DLG2: variants seen among roughly 807,000 people sequenced by gnomAD.
The protein encoded by DLG2 is disks large homolog 2.
A neutral mutation model predicts 132.5 loss-of-function variants in DLG2; 45 were observed. That is an observed-to-expected ratio of 0.34 (90% CI 0.27 to 0.44). The LOEUF (loss-of-function observed/expected upper bound fraction) is 0.44. DLG2 is among the 20% of genes least tolerant of loss of function. DLG2 has a pLI of 1.00. For missense variants in DLG2, 1,045 were observed against 1,196.9 expected (o/e 0.87, Z 1.87); for synonymous variants, 424 against 419.6 (o/e 1.01, Z -0.13).
At chr11:84,330,318 G>A (rs1313213616) in intron 7 of DLG2, among the ~76,000 whole-genome samples, 1 of 152,088 alleles carries the variant, frequency 6.6e-6, no homozygotes, top group African/African-American at 2.4e-5. Context: ...TGGGCTAGTT[G>A]CTAAATAAGA....
intron 6 of DLG2, among the ~76,000 whole-genome samples, chr11:84,851,604 C>T (rs1277183830): frequency 1.3e-5 from 2 of 152,018 alleles, no homozygotes; most frequent in Non-Finnish European, 2.9e-5. Flanking sequence ...GGGTTTAGAG[C>T]AGTAAGATGT....
intron 20 of DLG2, 74 bp downstream of exon 20, chr11:83,541,608 C>A: frequency 7.7e-7 from 1 of 1,296,714 alleles, no homozygotes; most frequent in African/African-American, 1.5e-5. Context: ...CAGTTTCTCC[C>A]ACCTTCTTCT....
At position 84,105,014 on chromosome 11, in the gene DLG2, T is replaced by C. The variant is rs182568094; in HGVS notation, c.625-5967A>G. 1.8e-3 allele frequency among the ~76,000 whole-genome samples: 273 copies of C among 152,190 alleles called. 2 individuals carry two copies. The highest frequency in any genetic ancestry group is 6.4e-3 in the African/African-American group (267 of 41,556). On this transcript the variant is annotated intron_variant, in intron 9 of 27. Coordinates refer to ENST00000376104, the MANE Select transcript of DLG2 (RefSeq NM_001142699.3). ...TACTTAAAGACGTGAAGCAAGTAAA[T>C]AGTGAATTCAGATTTAAAAGTAATT...
At chr11:84,762,083 T>C (rs998567523) in intron 6 of DLG2, 4 of 114,626 alleles carry the variant, frequency 3.5e-5, no homozygotes, top group Admixed American at 8.0e-5. Flanking sequence ...AAATATATAT[T>C]ATTTTAATTA....
chr11:84,739,651 T>C (rs1273443043), intron 6 of DLG2, among the ~76,000 whole-genome samples: 4 of 152,152 alleles, frequency 2.6e-5, no homozygotes, highest in Non-Finnish European at 5.9e-5. Context: ...AACATAAAAC[T>C]ACCTGGCTAA....
chr11:85,198,814 T>C (rs1565146357), intron 4 of DLG2, among the ~76,000 whole-genome samples: 1 of 152,126 alleles, frequency 6.6e-6, no homozygotes, highest in Non-Finnish European at 1.5e-5. Context: ...CTCAAGTCAC[T>C]TGCCACACTT....
intron 11 of DLG2, among the ~76,000 whole-genome samples, chr11:84,046,602 T>G (rs997143838): frequency 6.6e-6 from 1 of 151,570 alleles, no homozygotes; most frequent in Non-Finnish European, 1.5e-5. Context: ...TGTACCTAGT[T>G]TGTTTCCTGT....
rs576667030 is a variant in DLG2, at chr11:85,262,623, A to C, written c.186+22597T>G. On this transcript the variant is annotated intron_variant, in intron 4 of 27. Transcript: ENST00000376104. ...CTAGAAGAAGGTCTTCAGGACTCAG[A>C]TCTTAGTTATAGATGAGAAAAAGTT... Among the ~76,000 whole-genome samples, 4 of 152,276 alleles carry C rather than the reference A, an allele frequency of 2.6e-5. No individual in the cohort carries two copies. In the East Asian group the frequency reaches 7.7e-4, roughly 29 times the overall value.
intron 8 of DLG2, among the ~76,000 whole-genome samples, chr11:84,215,907 G>T (rs1365675542): frequency 6.6e-6 from 1 of 152,174 alleles, no homozygotes; most frequent in Non-Finnish European, 1.5e-5. Flanking sequence ...ATGAATTCCA[G>T]AAGTAGTGGT....
chr11:83,759,535 TC>T (rs945612985), intron 18 of DLG2, among the ~76,000 whole-genome samples: 2 of 152,188 alleles, frequency 1.3e-5, no homozygotes, highest in African/African-American at 4.8e-5. Context: ...GATTTTTTTT[TC>T]ATTGTAGGAC....
intron 10 of DLG2, 117 bp downstream of exon 10, chr11:84,098,806 A>AATCTT: frequency 8.2e-7 from 1 of 1,226,578 alleles, no homozygotes; most frequent in South Asian, 1.4e-5. Context: ...AGCTTGCCTT[A>AATCTT]AAAATCTCTT....
chr11:85,008,731 A>C (rs977385961), intron 6 of DLG2, among the ~76,000 whole-genome samples: 6 of 152,082 alleles, frequency 3.9e-5, no homozygotes, highest in Non-Finnish European at 8.8e-5. Flanking sequence ...AGTCTTGTAG[A>C]CACTGTGATG....
chr11:85,233,160 T>A (rs2075390534), intron 4 of DLG2, among the ~76,000 whole-genome samples: 1 of 151,914 alleles, frequency 6.6e-6, no homozygotes, highest in African/African-American at 2.4e-5. Flanking sequence ...TGTTCTGACA[T>A]ATGGGTGATT....
At chr11:84,400,733 A>C (rs1032240688) in intron 7 of DLG2, among the ~76,000 whole-genome samples, 2 of 152,238 alleles carry the variant, frequency 1.3e-5, no homozygotes, top group Admixed American at 1.3e-4. Flanking sequence ...CAGTAAAAAA[A>C]AATACAGACT....
At position 83,557,167 on chromosome 11, in the gene DLG2, AGAT is replaced by A. The variant is rs1317266022; in HGVS notation, c.1941-15312_1941-15310del. 5.2e-5 allele frequency among the ~76,000 whole-genome samples: 8 copies of A among 152,390 alleles called. No homozygotes were observed. The East Asian group carries it at 1.5e-3, about 29-fold the overall frequency. On this transcript the variant is annotated intron_variant, in intron 19 of 27. Transcript: ENST00000376104. ...CAGTGCTGAAGGCAAAAGATGAACA[AGAT>A]GGTATCTCTGCCTTCACACAATTTA...
At chr11:84,545,007 A>G (rs1238032118) in intron 6 of DLG2, 6 of 420,958 alleles carry the variant, frequency 1.4e-5, no homozygotes, top group Non-Finnish European at 2.8e-5. Context: ...TGTCTAAAAC[A>G]TGTTTTCTTT....
chr11:85,318,375 A>G (rs1028855627), intron 3 of DLG2, among the ~76,000 whole-genome samples: 2 of 151,856 alleles, frequency 1.3e-5, no homozygotes, highest in African/African-American at 4.8e-5. Context: ...TTCTAACAAA[A>G]CAGAATAAAG....
At chr11:84,608,090 G>C (rs2099588979) in intron 6 of DLG2, among the ~76,000 whole-genome samples, 1 of 152,098 alleles carries the variant, frequency 6.6e-6, no homozygotes, top group South Asian at 2.1e-4. Context: ...CATCTCTCTA[G>C]AGGCAGTGAG....
chr11:84,136,921 C>T (rs994024311), intron 9 of DLG2, among the ~76,000 whole-genome samples: 2 of 151,962 alleles, frequency 1.3e-5, no homozygotes, highest in African/African-American at 4.8e-5. Context: ...GGAATTTCTA[C>T]CAGGGATTCT....
Sources: gnomAD v4.1 joint callset for allele counts (sites outside exome capture counted in the v4.1 genomes callset) on GRCh38, gnomAD v4.1.1 for gene constraint, MANE v1.5 for transcripts, NCBI Gene and HGNC (gene_info 2026-07-23, HGNC 2026-07-21) for gene names.